Variants in SLC26A7 observed in about 807,000 individuals in gnomAD.
SLC26A7 encodes solute carrier family 26 member 7.
Under a neutral mutation model 82.5 loss-of-function variants are expected in SLC26A7, and 59 were observed. The observed-to-expected ratio is 0.72, with a 90% CI of 0.58 to 0.89. SLC26A7 has a LOEUF of 0.89. Among genes scored for constraint, SLC26A7 ranks in the 40% least tolerant of loss-of-function variants. The pLI, the probability that SLC26A7 is intolerant of heterozygous loss-of-function variation, is 0.00. For synonymous variants in SLC26A7, 271 were observed against 274.3 expected (o/e 0.99, Z 0.12); for missense variants, 820 against 793.0 (o/e 1.03, Z -0.41).
At chr8:91,322,269 A>T (rs1210443033) in intron 5 of SLC26A7, among the ~76,000 whole-genome samples, 1 of 152,162 alleles carries the variant, frequency 6.6e-6, no homozygotes, top group East Asian at 1.9e-4. Flanking sequence ...ATTTTTATTT[A>T]TAAAGGTTTT....
intron 2 of SLC26A7, among the ~76,000 whole-genome samples, chr8:91,256,162 T>C (rs1810795522): frequency 6.6e-6 from 1 of 152,036 alleles, no homozygotes; most frequent in Admixed American, 6.6e-5. Context: ...AATACAAGGG[T>C]TCCATATCTA....
intron 2 of SLC26A7, among the ~76,000 whole-genome samples, chr8:91,236,363 T>G (rs1467556234): frequency 1.3e-5 from 2 of 152,172 alleles, no homozygotes; most frequent in African/African-American, 4.8e-5. Flanking sequence ...AAGTCCAAAG[T>G]CCCTCTGAGT....
chr8:91,386,369 A>AT (rs1227035001), intron 15 of SLC26A7, among the ~76,000 whole-genome samples: 4 of 152,074 alleles, frequency 2.6e-5, no homozygotes, highest in Non-Finnish European at 5.9e-5. Flanking sequence ...ATGAATGCTA[A>AT]TTTTTTCTAC....
At chr8:91,359,279 G>A (rs990660260) in intron 11 of SLC26A7, among the ~76,000 whole-genome samples, 3 of 152,158 alleles carry the variant, frequency 2.0e-5, no homozygotes, top group African/African-American at 4.8e-5. Flanking sequence ...CTTGTGAAAT[G>A]ATTGGATAAG....
At chr8:91,355,070 T>C (rs1563695430) in intron 11 of SLC26A7, among the ~76,000 whole-genome samples, 1 of 152,176 alleles carries the variant, frequency 6.6e-6, no homozygotes, top group Non-Finnish European at 1.5e-5. Context: ...TGACTGAGTG[T>C]AAAATGCTTT....
chr8:91,345,518 T>TA (rs1440254377), intron 9 of SLC26A7, among the ~76,000 whole-genome samples: 10 of 152,220 alleles, frequency 6.6e-5, no homozygotes, highest in African/African-American at 1.9e-4. Context: ...TAAATGTCCT[T>TA]AAAATGTTAA....
intron 2 of SLC26A7, among the ~76,000 whole-genome samples, chr8:91,268,522 C>T (rs1162703368): frequency 6.6e-6 from 1 of 151,412 alleles, no homozygotes; most frequent in South Asian, 2.1e-4. Context: ...TCTATGTGTC[C>T]CTTTAGAGAT....
chr8:91,397,589 C>T lies in SLC26A7; in HGVS notation c.*2492C>T, dbSNP rs1008372361. ...TATGTAACCAGGAAAAGACTGTTAA[C>T]ATTACATTTATGCAAATTAAATGCC... is the stretch of plus-strand genomic sequence containing the variant. On this transcript the variant is annotated 3_prime_UTR_variant, in exon 19 of 19. Coordinates refer to ENST00000276609, the MANE Select transcript of SLC26A7 (RefSeq NM_052832.4). 7 of 152,442 alleles carry T rather than the reference C, an allele frequency of 4.6e-5. No homozygotes were observed. The highest frequency in any genetic ancestry group is 1.7e-4 in the African/African-American group (7 of 41,414). 9.4% of individuals were successfully genotyped at this position (152,442 alleles called of 1,614,324 possible). A position where few individuals can be genotyped will look rare whatever the true frequency, so the allele number is the denominator to read the frequency against.
chr8:91,358,723 C>T (rs1174091685), intron 11 of SLC26A7, among the ~76,000 whole-genome samples: 1 of 152,136 alleles, frequency 6.6e-6, no homozygotes, highest in African/African-American at 2.4e-5. Context: ...AAATGTGGCA[C>T]ATACACACCA....
chr8:91,268,246 T>G (rs1476924394), intron 2 of SLC26A7, among the ~76,000 whole-genome samples: 2 of 151,888 alleles, frequency 1.3e-5, no homozygotes, highest in African/African-American at 4.8e-5. Flanking sequence ...AGTCCCCTAC[T>G]ATTACTGTAT....
chr8:91,235,358 T>C (rs752515372), intron 2 of SLC26A7, among the ~76,000 whole-genome samples: 2 of 152,124 alleles, frequency 1.3e-5, no homozygotes, highest in Non-Finnish European at 2.9e-5. Flanking sequence ...TTACTGGAGG[T>C]ACATTCTCAC....
At chr8:91,319,412 T>TATCACTTG (rs1563677330) in intron 5 of SLC26A7, among the ~76,000 whole-genome samples, 1 of 152,234 alleles carries the variant, frequency 6.6e-6, no homozygotes, top group East Asian at 1.9e-4. Context: ...AAAAAAATGG[T>TATCACTTG]ATCACTTGTC....
intron 2 of SLC26A7, among the ~76,000 whole-genome samples, chr8:91,238,115 TC>T (rs1463803719): frequency 6.6e-6 from 1 of 152,218 alleles, no homozygotes; most frequent in Non-Finnish European, 1.5e-5. Context: ...CTTGAATCTT[TC>T]CTTTTGATTT....
chr8:91,288,618 C>T (rs1217642374), intron 2 of SLC26A7, among the ~76,000 whole-genome samples: 1 of 151,950 alleles, frequency 6.6e-6, no homozygotes, highest in Non-Finnish European at 1.5e-5. Context: ...ATCGGCCCTA[C>T]TGCTGTGACA....
intron 2 of SLC26A7, among the ~76,000 whole-genome samples, chr8:91,263,928 T>C (rs939976454): frequency 1.3e-5 from 2 of 152,072 alleles, no homozygotes; most frequent in South Asian, 2.1e-4. Flanking sequence ...TAAATATTAG[T>C]TGAATAAAAG....
At chr8:91,232,531 C>G (rs1810323561) in intron 2 of SLC26A7, among the ~76,000 whole-genome samples, 1 of 152,144 alleles carries the variant, frequency 6.6e-6, no homozygotes, top group Admixed American at 6.5e-5. Context: ...GGCATGTGCC[C>G]CATAACCAGT....
chr8:91,313,931 C>T (rs1246843184), intron 4 of SLC26A7, among the ~76,000 whole-genome samples: 1 of 152,050 alleles, frequency 6.6e-6, no homozygotes, highest in African/African-American at 2.4e-5. Context: ...TATTTGAAAG[C>T]TACTTGCAAG....
At chr8:91,296,478 T>C (rs1812020205) in intron 4 of SLC26A7, among the ~76,000 whole-genome samples, 1 of 152,108 alleles carries the variant, frequency 6.6e-6, no homozygotes, top group Non-Finnish European at 1.5e-5. Context: ...CGTAACATTA[T>C]TTACAAGGTC....
At position 91,390,090 on chromosome 8, in the gene SLC26A7, T is replaced by A. The variant is rs116527651; in HGVS notation, c.1776+652T>A. ...CAGAAAACTCAGGCACTTCTAAGAT[T>A]TTTTTACCTCCCCACCCGCCTTTTT... On this transcript the variant is annotated intron_variant, in intron 16 of 18. Coordinates refer to ENST00000276609, the MANE Select transcript of SLC26A7 (RefSeq NM_052832.4). 5.2e-3 allele frequency among the ~76,000 whole-genome samples: 787 copies of A among 151,712 alleles called. 11 individuals are homozygous for A. Among genetic ancestry groups the A allele is most frequent in the African/African-American group, 0.017 (712 of 41,286 alleles).
Sources: gnomAD v4.1 joint callset for allele counts (sites outside exome capture counted in the v4.1 genomes callset) on GRCh38, gnomAD v4.1.1 for gene constraint, MANE v1.5 for transcripts, NCBI Gene and HGNC (gene_info 2026-07-23, HGNC 2026-07-21) for gene names.